Variants in DHRS9 observed in about 807,000 individuals in gnomAD.
DHRS9 encodes dehydrogenase/reductase 9, also known as dehydrogenase/reductase SDR family member 9.
DHRS9 carries 18 observed loss-of-function variants against 26.6 expected under a neutral mutation model. The observed-to-expected ratio is 0.68, with a 90% confidence interval of 0.47 to 1.00. The LOEUF is 1.00. Among genes scored for constraint, DHRS9 ranks in the 50% least tolerant of loss-of-function variants. The pLI is 0.00. For synonymous variants in DHRS9, 134 were observed against 141.1 expected (o/e 0.95, Z 0.36); for missense variants, 425 against 378.7 (o/e 1.12, Z -1.01).
At chr2:169,070,763 G>T in intron 1 of DHRS9, 1 of 985,428 alleles carries the variant, frequency 1.0e-6, no homozygotes, top group Non-Finnish European at 1.2e-6. Flanking sequence ...TTAAGGGACA[G>T]TGTTTAAAAA....
upstream of DHRS9, chr2:169,069,388 TA>T (rs1289275500): frequency 1.7e-5 from 17 of 980,698 alleles, no homozygotes; most frequent in African/African-American, 2.4e-4. Context: ...TTGATCATTT[TA>T]AAGTCTCTTC....
At chr2:169,077,672 C>G (rs1417827540) in intron 1 of DHRS9, among the ~76,000 whole-genome samples, 4 of 152,058 alleles carry the variant, frequency 2.6e-5, no homozygotes, top group African/African-American at 9.7e-5. Context: ...TATCCACAGA[C>G]TCTCTCAAAG....
In DHRS9 at chr2:169,090,254, T is replaced by C. The variant is rs182609445; in HGVS notation, c.573-1536T>C. 4.3e-4 allele frequency among the ~76,000 whole-genome samples: 66 copies of C among 152,332 alleles called. No homozygotes were observed. The East Asian group carries it at 8.5e-3, about 20-fold the overall frequency. Reference sequence around the variant, plus strand: ...AACTGTATTTTCCCAGCATGCATACTGATTTAATATGGTTTTTACTTACCT... The same window carrying C: ...AACTGTATTTTCCCAGCATGCATACCGATTTAATATGGTTTTTACTTACCT... On this transcript the variant is annotated intron_variant, in intron 3 of 4. Coordinates refer to ENST00000674881, the MANE Select transcript of DHRS9 (RefSeq NM_001376924.1).
At chr2:169,085,577 TA>T in intron 3 of DHRS9, among the ~76,000 whole-genome samples, 1 of 152,174 alleles carries the variant, frequency 6.6e-6, no homozygotes, top group African/African-American at 2.4e-5. Context: ...CATTTTATTT[TA>T]TTTTTAACTT....
Position 169,095,733 on chromosome 2 carries a change from A to T in DHRS9, c.926A>T (p.Gln309Leu). 1 of 1,613,872 alleles carries T rather than the reference A, an allele frequency of 6.2e-7. No homozygotes were observed. The highest frequency in any genetic ancestry group is 8.5e-7 in the Non-Finnish European group (1 of 1,179,854). Reference protein sequence around the residue: ...AALQDFLLLKQKAELANPKAV With the variant: ...AALQDFLLLKLKAELANPKAV Reference sequence around the variant, plus strand: ...TTGCAAGACTTTTTATTGTTGAAACAGAAAGCAGAGCTGGCTAATCCCAAG... The same window carrying T: ...TTGCAAGACTTTTTATTGTTGAAACTGAAAGCAGAGCTGGCTAATCCCAAG... Residue 309 changes from glutamine (Q) to leucine (L), a missense_variant, in exon 5 of 5, where the codon CAG (glutamine) becomes CTG (leucine). By Grantham distance (113) the Gln-to-Leu change is moderately radical. Transcript: ENST00000674881.
chr2:169,080,423 T>C (rs1232703617), intron 1 of DHRS9, among the ~76,000 whole-genome samples: 1 of 152,310 alleles, frequency 6.6e-6, no homozygotes, highest in East Asian at 1.9e-4. Flanking sequence ...TCACTGAGTG[T>C]GGAGGGCTGG....
chr2:169,091,560 G>A (rs544239559), intron 3 of DHRS9, among the ~76,000 whole-genome samples: 1 of 152,188 alleles, frequency 6.6e-6, no homozygotes, highest in Admixed American at 6.5e-5. Flanking sequence ...ACTGGGGGTG[G>A]TGTCCACCCA....
chr2:169,071,922 C>CA (rs1159546262), intron 1 of DHRS9, among the ~76,000 whole-genome samples: 1 of 151,062 alleles, frequency 6.6e-6, no homozygotes, highest in Non-Finnish European at 1.5e-5. Flanking sequence ...ACATTTCTCA[C>CA]AGAAACATAA....
intron 1 of DHRS9, among the ~76,000 whole-genome samples, chr2:169,077,312 T>A (rs1045764119): frequency 6.6e-6 from 1 of 152,188 alleles, no homozygotes; most frequent in African/African-American, 2.4e-5. Context: ...TGAGAATAAC[T>A]TTTTTAACAC....
At chr2:169,089,905 TA>T (rs926967949) in intron 3 of DHRS9, among the ~76,000 whole-genome samples, 8 of 152,138 alleles carry the variant, frequency 5.3e-5, no homozygotes, top group African/African-American at 1.7e-4. Context: ...AGCAAGGTCA[TA>T]AAAAAACCTC....
At chr2:169,084,868 G>T (rs750287568) in intron 3 of DHRS9, among the ~76,000 whole-genome samples, 12 of 152,044 alleles carry the variant, frequency 7.9e-5, no homozygotes, top group Non-Finnish European at 1.5e-4. Flanking sequence ...TGCTTTAGTT[G>T]CCTGTGTTTG....
At chr2:169,087,987 C>T (rs988225111) in intron 3 of DHRS9, among the ~76,000 whole-genome samples, 1 of 152,178 alleles carries the variant, frequency 6.6e-6, no homozygotes, top group Non-Finnish European at 1.5e-5. Flanking sequence ...ACTCTCCTGG[C>T]TGCCCAAGCT....
At chr2:169,071,275 A>T (rs574039084) in intron 1 of DHRS9, among the ~76,000 whole-genome samples, 1 of 152,214 alleles carries the variant, frequency 6.6e-6, no homozygotes, top group Non-Finnish European at 1.5e-5. Flanking sequence ...AGTGACCATA[A>T]ATAAAGTAAT....
chr2:169,073,683 T>C (rs1043820850), intron 1 of DHRS9, among the ~76,000 whole-genome samples: 1 of 152,084 alleles, frequency 6.6e-6, no homozygotes, highest in Non-Finnish European at 1.5e-5. Context: ...CAAAAAGACA[T>C]TTTAAAATAT....
chr2:169,087,401 A>G (rs1229737454), intron 3 of DHRS9, among the ~76,000 whole-genome samples: 1 of 151,888 alleles, frequency 6.6e-6, no homozygotes, highest in African/African-American at 2.4e-5. Context: ...CTGGCCCAGG[A>G]TAGGTTGAGA....
chr2:169,089,536 T>C (rs1684455807), intron 3 of DHRS9, among the ~76,000 whole-genome samples: 1 of 152,232 alleles, frequency 6.6e-6, no homozygotes, highest in African/African-American at 2.4e-5. Flanking sequence ...AGTTTTTCCT[T>C]TGATTCATCC....
chr2:169,075,057 T>C (rs993666654), intron 1 of DHRS9, among the ~76,000 whole-genome samples: 4 of 152,154 alleles, frequency 2.6e-5, no homozygotes, highest in African/African-American at 9.7e-5. Context: ...TCTTCTTTGG[T>C]AGTTGTAGAG....
intron 4 of DHRS9, 96 bp downstream of exon 4, chr2:169,092,049 A>T (rs1286708226): frequency 6.9e-6 from 9 of 1,306,756 alleles, no homozygotes; most frequent in Middle Eastern, 2.0e-4. Flanking sequence ...GGTTCTGAGT[A>T]ATACCCCAAT....
At chr2:169,094,972 A>G (rs1161137068) in intron 4 of DHRS9, among the ~76,000 whole-genome samples, 1 of 150,744 alleles carries the variant, frequency 6.6e-6, no homozygotes, top group Non-Finnish European at 1.5e-5. Flanking sequence ...CTCTTTATTT[A>G]CAGATTATAG....
Sources: allele counts gnomAD v4.1 joint callset (sites outside exome capture counted in the v4.1 genomes callset), GRCh38; gene constraint gnomAD v4.1.1; transcripts MANE v1.5; gene names NCBI Gene and HGNC (gene_info 2026-07-23, HGNC 2026-07-21).